The following PSMD3 variants were observed in gnomAD, a reference collection of about 807,000 sequenced individuals.
PSMD3 encodes proteasome 26S subunit, non-ATPase 3, also known as 26S proteasome non-ATPase regulatory subunit 3.
In PSMD3, 5 loss-of-function variants were observed where a neutral mutation model predicts 62.8. The ratio of observed to expected loss-of-function variants is 0.08; its 90% CI spans 0.04 to 0.17. PSMD3 has a LOEUF of 0.17. PSMD3 is among the 10% of genes least tolerant of loss of function. PSMD3 has a pLI of 1.00. For missense variants in PSMD3, 524 were observed against 713.6 expected, an observed-to-expected ratio of 0.73 and a Z score of 3.03; for synonymous variants, 265 against 283.9, an observed-to-expected ratio of 0.93 and a Z score of 0.67.
intron 3 of PSMD3, 119 bp downstream of exon 3, chr17:39,986,831 C>T (rs1980537542): frequency 7.6e-7 from 1 of 1,320,226 alleles, no homozygotes; most frequent in Non-Finnish European, 1.0e-6. Context: ...CTGTCCCCCA[C>T]ACTCTTTCCC....
Position 39,986,002 on chromosome 17 carries a change from A to G in PSMD3, c.412-573A>G, listed in dbSNP as rs182406877. ...TGTAGCCTCTTTGAAGGTTCCTTAC[A>G]TCGTCCTTTGTCTCCATTATGTTGT... is the stretch of plus-strand genomic sequence containing the variant. On this transcript the variant is annotated intron_variant, in intron 2 of 11. Coordinates refer to ENST00000264639, the MANE Select transcript of PSMD3 (RefSeq NM_002809.4). Among the ~76,000 whole-genome samples, 228 of 152,278 alleles carry G rather than the reference A, an allele frequency of 1.5e-3. 1 individual carries two copies. The highest frequency in any genetic ancestry group is 5.0e-3 in the African/African-American group (208 of 41,536).
At chr17:39,981,325 A>C in intron 1 of PSMD3, 135 bp downstream of exon 1, 1 of 1,401,664 alleles carries the variant, frequency 7.1e-7, no homozygotes. Flanking sequence ...ACCTGCTCCC[A>C]CTGCCCCGAC....
At chr17:39,981,330 C>T (rs1169177906) in intron 1 of PSMD3, 140 bp downstream of exon 1, 11 of 1,356,272 alleles carry the variant, frequency 8.1e-6, no homozygotes, top group African/African-American at 1.5e-5. Context: ...CTCCCACTGC[C>T]CCGACACTCC....
At position 39,990,197 on chromosome 17, in the gene PSMD3, G is replaced by A. The variant is rs527746349; in HGVS notation, c.981G>A (p.Thr327=). Residue 327 remains threonine, a splice_region_variant and synonymous_variant, in exon 6 of 12, where the codon ACG becomes ACA. Transcript: ENST00000264639. The stretch of plus-strand genomic sequence containing the variant: ...ACACAGCTGTCGGCTTCAAACAGAC[G>A]GTGAGCCACAACTACCATCATCCCT... ...PQHTAVGFKQ[T]VHKLLIVVEL... is the part of the protein sequence containing the mutation. 2.5e-5 allele frequency: 41 copies of A among 1,610,146 alleles called. No individual in the cohort carries two copies. The East Asian group carries it at 4.5e-4, about 18-fold the overall frequency.
At position 39,984,151 on chromosome 17, in the gene PSMD3, G is replaced by C. The variant is rs561656553; in HGVS notation, c.221-143G>C. 1.0e-5 allele frequency: 7 copies of C among 686,056 alleles called. No homozygotes were observed. The East Asian group carries it at 2.1e-4, about 20-fold the overall frequency. 42.5% of individuals were successfully genotyped at this position (686,056 alleles called of 1,614,324 possible). A position where few individuals can be genotyped will look rare whatever the true frequency, so the allele number is the denominator to read the frequency against. ...GCAGGCAGAGCTTGCAGTGAGCCGAGATCACACCACTGCACTCCGGCCTGG... is the reference window on the plus strand; with the variant it reads ...GCAGGCAGAGCTTGCAGTGAGCCGACATCACACCACTGCACTCCGGCCTGG... On this transcript the variant is annotated intron_variant, in intron 1 of 11. Transcript: ENST00000264639.
Position 39,997,681 on chromosome 17 carries a change from C to T in PSMD3, c.*100C>T. 7.4e-7 allele frequency: 1 copy of T among 1,352,746 alleles called. No individual in the cohort carries two copies. Among genetic ancestry groups the T allele is most frequent in the Non-Finnish European group, 1.0e-6 (1 of 967,756 alleles). The allele number at this position is 1,352,746 out of a possible 1,614,324, so 83.8% of individuals were successfully genotyped here. On this transcript the variant is annotated 3_prime_UTR_variant, in exon 12 of 12. Coordinates refer to ENST00000264639, the MANE Select transcript of PSMD3 (RefSeq NM_002809.4). ...TGTCCCCATTTTCCCACACACAGCT[C>T]ATATGCTGCATTCGTGCAGGGGGTG...
intron 1 of PSMD3, among the ~76,000 whole-genome samples, chr17:39,981,710 C>CG (rs1355997785): frequency 6.6e-6 from 1 of 152,230 alleles, no homozygotes; most frequent in African/African-American, 2.4e-5. Context: ...TCCTACTTCT[C>CG]TAACTGAAGT....
Position 39,996,291 on chromosome 17 carries a change from C to T in PSMD3, c.1429C>T (p.His477Tyr), listed in dbSNP as rs778554601. The change falls in exon 10 of 12, where the codon CAC becomes TAC. Residue 477 changes from histidine to tyrosine, a missense_variant. This residue lies in a region of PSMD3 where 76 missense variants were observed against 97.3 expected (regional missense o/e 0.78). Coordinates refer to ENST00000264639, the MANE Select transcript of PSMD3 (RefSeq NM_002809.4). The surrounding 1 kb of genome is among the most constrained non-coding windows in gnomAD (Gnocchi z 5.1). ...CACCCGAGAGCCCCAGCTAGCCTTCCACCAGCGCATCTCCTTCTGCCTAGA... is the reference window on the plus strand; with the variant it reads ...CACCCGAGAGCCCCAGCTAGCCTTCTACCAGCGCATCTCCTTCTGCCTAGA... ...YSTREPQLAF[H>Y]QRISFCLDIH... The T allele has an allele frequency of 1.2e-6, 2 of 1,614,086 alleles. No individual in the cohort carries two copies. Among genetic ancestry groups the T allele is most frequent in the Non-Finnish European group, 8.5e-7 (1 of 1,180,024 alleles).
At position 39,981,051 on chromosome 17, in the gene PSMD3, A is replaced by G. The variant is rs1196400771; in HGVS notation, c.81A>G (p.Pro27=). ...PPPGGGEQEP[P]PPPAPQDVEM... ...CCGGCGGAGGAGAACAAGAACCCCC[A>G]CCGCCGCCGGCCCCCCAGGATGTGG... The change falls in exon 1 of 12, where the codon CCA becomes CCG. Residue 27 remains proline (P), a synonymous_variant. Transcript: ENST00000264639. The G allele has an allele frequency of 1.3e-6, 2 of 1,549,288 alleles. No homozygotes were observed. Among genetic ancestry groups the G allele is most frequent in the Non-Finnish European group, 1.7e-6 (2 of 1,146,602 alleles).
chr17:39,983,158 G>A (rs1335635570), intron 1 of PSMD3, among the ~76,000 whole-genome samples: 2 of 151,696 alleles, frequency 1.3e-5, no homozygotes, highest in Non-Finnish European at 1.5e-5. Flanking sequence ...TCAGCTTCCC[G>A]AGTAGCTGGG....
In PSMD3 at chr17:39,986,514, A is replaced by G. The variant is rs1051486438; in HGVS notation, c.412-61A>G. On this transcript the variant is annotated intron_variant, in intron 2 of 11. Transcript: ENST00000264639. ...TGTTGAAATACATAGTGGATGCTCA[A>G]TAAATTCTTGGTTACTTGATCAGAC... The G allele has an allele frequency of 6.2e-5, 99 of 1,586,176 alleles. No homozygotes were observed. In the African/African-American group the frequency reaches 1.2e-3, roughly 19 times the overall value.
chr17:39,990,202 G>A lies in PSMD3; in HGVS notation c.981+5G>A. 6.3e-7 allele frequency: 1 copy of A among 1,597,604 alleles called. No homozygotes were observed. The highest frequency in any genetic ancestry group is 8.6e-7 in the Non-Finnish European group (1 of 1,169,178). ...GCTGTCGGCTTCAAACAGACGGTGA[G>A]CCACAACTACCATCATCCCTTTGCC... On this transcript the variant is annotated splice_donor_5th_base_variant and intron_variant, in intron 6 of 11. Coordinates refer to ENST00000264639, the MANE Select transcript of PSMD3 (RefSeq NM_002809.4).
rs539063901 is a variant in PSMD3 at position 39,985,033 on chromosome 17, G to C, written c.411+549G>C. 4.0e-4 allele frequency among the ~76,000 whole-genome samples: 61 copies of C among 152,154 alleles called. 1 individual carries two copies. The highest frequency in any genetic ancestry group is 3.3e-3 in the Admixed American group (51 of 15,284). The stretch of plus-strand genomic sequence containing the variant: ...CTGCCCGCCCAGGAGTTTGAGACCA[G>C]CCTGGGCGACATGGTGAGACCCTGT... On this transcript the variant is annotated intron_variant, in intron 2 of 11. Transcript: ENST00000264639.
intron 2 of PSMD3, among the ~76,000 whole-genome samples, chr17:39,985,829 T>C (rs2144809246): frequency 6.6e-6 from 1 of 152,358 alleles, no homozygotes; most frequent in South Asian, 2.1e-4. Flanking sequence ...GTTTATATGT[T>C]GACTTTCCCT....
intron 5 of PSMD3, 28 bp from the exon 6 acceptor site, chr17:39,990,066 G>A: frequency 6.2e-7 from 1 of 1,609,806 alleles, no homozygotes; most frequent in Non-Finnish European, 8.5e-7. Flanking sequence ...CTACTCTGTT[G>A]ACCAACTCTC....
chr17:39,996,186 A>G lies in PSMD3; in HGVS notation c.1324A>G (p.Ile442Val), dbSNP rs779680391. Reference protein sequence around the residue: ...EDAEFIVAKAIRDGVIEASIN... With the variant: ...EDAEFIVAKAVRDGVIEASIN... ...TTTCCTCTTTGGGGGCCTGCAGGCC[A>G]TCCGGGATGGTGTCATTGAGGCCAG... Residue 442 changes from isoleucine to valine, a missense_variant, in exon 10 of 12, where the codon ATC becomes GTC. Physicochemically the swap from Ile to Val is conservative, Grantham distance 29. This residue lies in a region of PSMD3 where 76 missense variants were observed against 97.3 expected (regional missense o/e 0.78). Transcript: ENST00000264639. This position sits in a 1 kb window ranked among gnomAD's most constrained non-coding sequence, Gnocchi z 5.1. The G allele has an allele frequency of 5.0e-6, 8 of 1,613,402 alleles. No homozygotes were observed. In the South Asian group the frequency reaches 7.7e-5, roughly 16 times the overall value.
chr17:39,988,648 A>G, intron 3 of PSMD3, 35 bp from the exon 4 acceptor site: 1 of 1,611,300 alleles, frequency 6.2e-7, no homozygotes, highest in Non-Finnish European at 8.5e-7. Flanking sequence ...CTTTTGAGGA[A>G]CTGCCACTTG....
rs1423764245 is a variant in PSMD3, at chr17:39,981,037, G to A, written c.67G>A (p.Glu23Lys). The A allele has an allele frequency of 6.5e-7, 1 of 1,549,632 alleles. No homozygotes were observed. The highest frequency in any genetic ancestry group is 1.4e-5 in the African/African-American group (1 of 73,050). Reference sequence around the variant, plus strand: ...GGCGAAACCGCCGCCCGGCGGAGGAGAACAAGAACCCCCACCGCCGCCGGC... The same window carrying A: ...GGCGAAACCGCCGCCCGGCGGAGGAAAACAAGAACCCCCACCGCCGCCGGC... ...DKAKPPPGGGEQEPPPPPAPQ... is the reference protein window; with the variant it reads ...DKAKPPPGGGKQEPPPPPAPQ... The change falls in exon 1 of 12, where the codon GAA (glutamate) becomes AAA (lysine). Residue 23 changes from glutamate to lysine, a missense_variant. Coordinates refer to ENST00000264639, the MANE Select transcript of PSMD3 (RefSeq NM_002809.4).
Position 39,997,668 on chromosome 17 carries a change from C to T in PSMD3, c.*87C>T. On this transcript the variant is annotated 3_prime_UTR_variant, in exon 12 of 12. Coordinates refer to ENST00000264639, the MANE Select transcript of PSMD3 (RefSeq NM_002809.4). ...CTGCCCAGGGCACTGTCCCCATTTT[C>T]CCACACACAGCTCATATGCTGCATT... is the stretch of plus-strand genomic sequence containing the variant. 1.4e-6 allele frequency: 2 copies of T among 1,445,130 alleles called. No homozygotes were observed. Among genetic ancestry groups the T allele is most frequent in the East Asian group, 2.4e-5 (1 of 42,366 alleles). The allele number at this position is 1,445,130 out of a possible 1,614,324, so 89.5% of individuals were successfully genotyped here. A position where few individuals can be genotyped will look rare whatever the true frequency, so the allele number is the denominator to read the frequency against.
Sources: gnomAD v4.1 joint callset for allele counts (sites outside exome capture counted in the v4.1 genomes callset) on GRCh38, gnomAD v4.1.1 for gene constraint, gnomAD v4.1.1 regional missense constraint, Gnocchi (gnomAD v3.1) non-coding constraint, MANE v1.5 for transcripts, NCBI Gene and HGNC (gene_info 2026-07-23, HGNC 2026-07-21) for gene names.